EBF1: variants seen among roughly 807,000 people sequenced by gnomAD.
EBF1 encodes the protein EBF transcription factor 1, also known as transcription factor COE1.
In EBF1, 10 loss-of-function variants were observed where a neutral mutation model predicts 68.4. The observed-to-expected ratio is 0.15, with a 90% CI of 0.09 to 0.25. The LOEUF (loss-of-function observed/expected upper bound fraction) is 0.25. Ranked by LOEUF, EBF1 falls within the 10% of genes least tolerant of loss-of-function variation. EBF1 has a pLI of 1.00. For missense variants in EBF1, 509 were observed against 794.4 expected (o/e 0.64, Z 4.32); for synonymous variants, 298 against 299.8 (o/e 0.99, Z 0.06).
At chr5:158,769,260 AAT>A (rs1773402679) in intron 10 of EBF1, among the ~76,000 whole-genome samples, 1 of 152,140 alleles carries the variant, frequency 6.6e-6, no homozygotes, top group African/African-American at 2.4e-5. Context: ...GGCTGTAGTC[AAT>A]ATGTTTTCTT....
In EBF1 at chr5:158,738,064, T is replaced by C. The variant is rs761797791; in HGVS notation, c.1037-6907A>G. On this transcript the variant is annotated intron_variant, in intron 10 of 15. Coordinates refer to ENST00000313708, the MANE Select transcript of EBF1 (RefSeq NM_024007.5). The stretch of plus-strand genomic sequence containing the variant: ...ATAGTTTAAAGGAGGAAAACCCCCA[T>C]AATATCCCCATTCATGTAGAAGCAT... Among the ~76,000 whole-genome samples, 14 of 152,342 alleles carry C rather than the reference T, an allele frequency of 9.2e-5. No homozygotes were observed. The South Asian group carries it at 1.2e-3, about 14-fold the overall frequency.
At chr5:159,048,018 A>T (rs1361163669) in intron 6 of EBF1, among the ~76,000 whole-genome samples, 1 of 152,176 alleles carries the variant, frequency 6.6e-6, no homozygotes, top group East Asian at 1.9e-4. Flanking sequence ...GGAGATAGGC[A>T]CTATATTTTC....
intron 11 of EBF1, among the ~76,000 whole-genome samples, chr5:158,720,712 G>A (rs1294093006): frequency 6.6e-6 from 1 of 152,022 alleles, no homozygotes; most frequent in Non-Finnish European, 1.5e-5. Context: ...CATTTAGCAT[G>A]GATATAATTA....
At chr5:158,884,752 A>G (rs534214518) in intron 6 of EBF1, among the ~76,000 whole-genome samples, 58 of 152,316 alleles carry the variant, frequency 3.8e-4, no homozygotes, top group African/African-American at 1.4e-3. Context: ...CTAATATTAA[A>G]TTAATTGCTT....
intron 14 of EBF1, among the ~76,000 whole-genome samples, chr5:158,710,185 C>T (rs756099071): frequency 2.6e-5 from 4 of 152,074 alleles, no homozygotes; most frequent in Admixed American, 1.3e-4. Context: ...CAGATAAAGC[C>T]GTCCCATCTG....
chr5:158,953,562 C>G (rs1293684745), intron 6 of EBF1, among the ~76,000 whole-genome samples: 2 of 152,162 alleles, frequency 1.3e-5, no homozygotes, highest in East Asian at 1.9e-4. Context: ...CAATCATACA[C>G]TTTCTTTTTG....
chr5:158,887,146 T>A (rs1466773006), intron 6 of EBF1, among the ~76,000 whole-genome samples: 1 of 152,234 alleles, frequency 6.6e-6, no homozygotes, highest in Non-Finnish European at 1.5e-5. Context: ...ACATTTCTTT[T>A]CAATGACTCA....
At chr5:158,729,982 GA>G (rs1373095451) in intron 11 of EBF1, among the ~76,000 whole-genome samples, 4 of 152,216 alleles carry the variant, frequency 2.6e-5, no homozygotes, top group Non-Finnish European at 5.9e-5. Context: ...ACACGGGTAG[GA>G]TTTGATGACG....
In EBF1 at chr5:158,840,081, T is replaced by C; in HGVS notation, c.584A>G (p.Asn195Ser). ...RFFLKFFLKC[N>S]QNCLKNAGNP... ...TCCCGCATTCTTTAGGCAATTTTGGTTACATTTGAGGAAAAATTTCAAGAA... is the reference window on the plus strand; with the variant it reads ...TCCCGCATTCTTTAGGCAATTTTGGCTACATTTGAGGAAAAATTTCAAGAA... The change falls in exon 7 of 16, where the codon AAC (asparagine) becomes AGC (serine). Residue 195 changes from asparagine to serine, a missense_variant. Coordinates refer to ENST00000313708, the MANE Select transcript of EBF1 (RefSeq NM_024007.5). 1 of 1,614,058 alleles carries C rather than the reference T, an allele frequency of 6.2e-7. No homozygotes were observed. The highest frequency in any genetic ancestry group is 8.5e-7 in the Non-Finnish European group (1 of 1,179,950).
intron 8 of EBF1, among the ~76,000 whole-genome samples, chr5:158,820,437 T>C (rs763469644): frequency 1.3e-5 from 2 of 152,338 alleles, no homozygotes; most frequent in African/African-American, 2.4e-5. Context: ...AAGAGTTCAA[T>C]AGTCATCCTT....
chr5:158,909,873 G>C (rs1164740598), intron 6 of EBF1, among the ~76,000 whole-genome samples: 1 of 143,038 alleles, frequency 7.0e-6, no homozygotes, highest in Non-Finnish European at 1.5e-5. Flanking sequence ...GGAGGCAGAG[G>C]TTGAACCAGG....
intron 10 of EBF1, 128 bp downstream of exon 10, chr5:158,777,285 A>C: frequency 8.9e-7 from 1 of 1,128,738 alleles, no homozygotes. Flanking sequence ...CATATGGTAA[A>C]ATGAAGAAAG....
At chr5:159,097,814 GA>G (rs1248018684) in intron 1 of EBF1, among the ~76,000 whole-genome samples, 3 of 152,258 alleles carry the variant, frequency 2.0e-5, no homozygotes, top group African/African-American at 7.2e-5. Context: ...ACTCATTCCA[GA>G]AATCCTAAAG....
rs1783198736 is a variant in EBF1, at chr5:158,813,992, C to A, written c.778+9184G>T. Among the ~76,000 whole-genome samples, 3 of 151,982 alleles carry A rather than the reference C, an allele frequency of 2.0e-5. No individual in the cohort carries two copies. In the South Asian group the frequency reaches 6.2e-4, roughly 32 times the overall value. Reference sequence around the variant, plus strand: ...GCTTGGTTTGAAACAATCAATTAGGCAAATCAATGCAATTGGAATTATGAT... The same window carrying A: ...GCTTGGTTTGAAACAATCAATTAGGAAAATCAATGCAATTGGAATTATGAT... On this transcript the variant is annotated intron_variant, in intron 8 of 15. Coordinates refer to ENST00000313708, the MANE Select transcript of EBF1 (RefSeq NM_024007.5).
chr5:158,902,921 G>A (rs1328809837), intron 6 of EBF1, among the ~76,000 whole-genome samples: 1 of 152,202 alleles, frequency 6.6e-6, no homozygotes, highest in Non-Finnish European at 1.5e-5. Flanking sequence ...GCTGGGTAGA[G>A]CCAAAGGACG....
At chr5:158,915,570 T>G (rs1807006189) in intron 6 of EBF1, among the ~76,000 whole-genome samples, 1 of 151,956 alleles carries the variant, frequency 6.6e-6, no homozygotes, top group South Asian at 2.1e-4. Context: ...TGTAAAGCAA[T>G]CGGGGTGGGG....
Position 158,754,974 on chromosome 5 carries a change from C to A in EBF1, c.1036+22439G>T, listed in dbSNP as rs545903660. Among the ~76,000 whole-genome samples the A allele has an allele frequency of 1.4e-4, 22 of 152,224 alleles. No individual in the cohort carries two copies. In the South Asian group the frequency reaches 3.5e-3, roughly 24 times the overall value. On this transcript the variant is annotated intron_variant, in intron 10 of 15. Transcript: ENST00000313708. ...GAAAACACCCTAAGTAACCTCAAAT[C>A]TCTCATGAGAGGTCGGGGAGATAAG... is the stretch of plus-strand genomic sequence containing the variant.
chr5:159,001,934 T>C (rs371348361), intron 6 of EBF1, among the ~76,000 whole-genome samples: 2 of 152,090 alleles, frequency 1.3e-5, no homozygotes, highest in East Asian at 1.9e-4. Context: ...TGTGTGTTTG[T>C]GTGTGTGTGT....
At chr5:158,773,242 A>C (rs1210012310) in intron 10 of EBF1, among the ~76,000 whole-genome samples, 1 of 152,192 alleles carries the variant, frequency 6.6e-6, no homozygotes, top group Non-Finnish European at 1.5e-5. Flanking sequence ...ATATGCAGAC[A>C]AAATAGCCCC....
Sources: allele counts gnomAD v4.1 joint callset (sites outside exome capture counted in the v4.1 genomes callset), GRCh38; gene constraint gnomAD v4.1.1; transcripts MANE v1.5; gene names NCBI Gene and HGNC (gene_info 2026-07-23, HGNC 2026-07-21).